The following ICA1 variants were observed in gnomAD, a reference collection of about 807,000 sequenced individuals.
ICA1 encodes 69 kDa islet cell autoantigen.
A neutral mutation model predicts 71.0 loss-of-function variants in ICA1; 40 were observed. That is an observed-to-expected ratio of 0.56 (90% confidence interval 0.44 to 0.73). The LOEUF (loss-of-function observed/expected upper bound fraction) is 0.73, where lower values mean the gene tolerates loss of function less well. Ranked by LOEUF, ICA1 falls within the 30% of genes least tolerant of loss-of-function variation. The pLI is 0.00. For missense variants in ICA1, 578 were observed against 576.5 expected, an observed-to-expected ratio of 1.00 and a Z score of -0.03; for synonymous variants, 207 against 209.5, an observed-to-expected ratio of 0.99 and a Z score of 0.10.
chr7:8,162,689 T>C (rs1173306767), intron 6 of ICA1, among the ~76,000 whole-genome samples: 1 of 152,226 alleles, frequency 6.6e-6, no homozygotes, highest in East Asian at 1.9e-4. Context: ...TTCACTCAAA[T>C]AAATGTACCC....
At chr7:8,176,612 C>T (rs968249141) in intron 6 of ICA1, among the ~76,000 whole-genome samples, 4 of 152,174 alleles carry the variant, frequency 2.6e-5, no homozygotes, top group African/African-American at 7.2e-5. Context: ...AATGAAGAGA[C>T]GATAGCAGAA....
chr7:8,243,797 T>C (rs2128496426), intron 1 of ICA1, among the ~76,000 whole-genome samples: 1 of 152,256 alleles, frequency 6.6e-6, no homozygotes, highest in Non-Finnish European at 1.5e-5. Context: ...AGCCAAATCA[T>C]GAGTGAACTC....
At position 8,141,829 on chromosome 7, in the gene ICA1, A is replaced by G; in HGVS notation, c.903-12T>C. 1 of 1,546,248 alleles carries G rather than the reference A, an allele frequency of 6.5e-7. No homozygotes were observed. Among genetic ancestry groups the G allele is most frequent in the Admixed American group, 1.8e-5 (1 of 57,090 alleles). ...CTAATGAAATTAATCTTAAAATAAA[A>G]AAGAGGTTTAGTCATCAACTTCTAC... On this transcript the variant is annotated splice_polypyrimidine_tract_variant and intron_variant, in intron 9 of 13. Transcript: ENST00000402384.
chr7:8,221,284 G>C lies in ICA1; in HGVS notation c.371C>G (p.Ser124Cys), dbSNP rs1323406542. 1 of 1,613,512 alleles carries C rather than the reference G, an allele frequency of 6.2e-7. No homozygotes were observed. Among genetic ancestry groups the C allele is most frequent in the Non-Finnish European group, 8.5e-7 (1 of 1,179,600 alleles). The part of the protein sequence containing the change: ...QATGKALCFS[S>C]QQRLALRNPL... ...ACTAAAGGCCACACACCTTTGCTGG[G>C]AAGAAAAGCAGAGGGCCTTTCCTGT... Residue 124 changes from serine to cysteine, a missense_variant, in exon 5 of 14, where the codon TCC becomes TGC. Ser to Cys is a moderately radical substitution (Grantham distance 112, BLOSUM62 -1). Coordinates refer to ENST00000402384, the MANE Select transcript of ICA1 (RefSeq NM_001136020.3).
rs145746144 is a variant in ICA1, at chr7:8,260,747, T to C, written c.-80+1347A>G. Among the ~76,000 whole-genome samples, 18 of 152,352 alleles carry C rather than the reference T, an allele frequency of 1.2e-4. No homozygotes were observed. The East Asian group carries it at 3.3e-3, about 28-fold the overall frequency. ...AAAAATAAAGACTGAAATCTAAAAA[T>C]ATATCTTTGGTTTGAAAACTTACTT... On this transcript the variant is annotated intron_variant, in intron 1 of 13. Transcript: ENST00000402384.
rs368298881 is a variant in ICA1, at chr7:8,118,913, A to G, written c.1331-4869T>C. On this transcript the variant is annotated intron_variant, in intron 13 of 13. Transcript: ENST00000402384. ...GTTAGAAATTCAAGCTCACGAGCCAATGCTGACCTACTGAATCAGAATCCC... is the reference window on the plus strand; with the variant it reads ...GTTAGAAATTCAAGCTCACGAGCCAGTGCTGACCTACTGAATCAGAATCCC... Among the ~76,000 whole-genome samples the G allele has an allele frequency of 4.6e-5, 7 of 152,228 alleles. No individual in the cohort carries two copies. The South Asian group carries it at 6.2e-4, about 14-fold the overall frequency.
intron 1 of ICA1, 75 bp downstream of exon 1, chr7:8,262,019 C>G (rs1026229642): frequency 1.3e-5 from 2 of 152,220 alleles, no homozygotes; most frequent in African/African-American, 4.8e-5. Context: ...CCGACCGTCC[C>G]GGCTGCCGGG....
chr7:8,159,112 C>A (rs1802756601), intron 6 of ICA1, among the ~76,000 whole-genome samples: 1 of 152,178 alleles, frequency 6.6e-6, no homozygotes. Context: ...GTGATACAAT[C>A]CTATTTACTA....
At chr7:8,137,911 T>A (rs1793963145) in intron 12 of ICA1, among the ~76,000 whole-genome samples, 1 of 152,186 alleles carries the variant, frequency 6.6e-6, no homozygotes, top group South Asian at 2.1e-4. Flanking sequence ...CTGAACTGAG[T>A]TGTCTGCCCT....
rs571306716 is a variant in ICA1, at chr7:8,243,211, A to T, written c.-79-7206T>A. On this transcript the variant is annotated intron_variant, in intron 1 of 13. Transcript: ENST00000402384. The stretch of plus-strand genomic sequence containing the variant: ...AATCCAGCAGCACATCAAAAAGCTT[A>T]TCCACCACAATCAAGTCGGCTTCAT... Among the ~76,000 whole-genome samples, 339 of 152,358 alleles carry T rather than the reference A, an allele frequency of 2.2e-3. 2 individuals carry two copies. Among genetic ancestry groups the T allele is most frequent in the Non-Finnish European group, 3.9e-3 (267 of 68,028 alleles).
At chr7:8,143,046 A>T (rs1795751190) in intron 9 of ICA1, among the ~76,000 whole-genome samples, 1 of 152,210 alleles carries the variant, frequency 6.6e-6, no homozygotes, top group Admixed American at 6.5e-5. Flanking sequence ...TTACGATAAG[A>T]CTGTCATCTA....
At chr7:8,175,934 C>T (rs1319674167) in intron 6 of ICA1, among the ~76,000 whole-genome samples, 1 of 152,160 alleles carries the variant, frequency 6.6e-6, no homozygotes, top group East Asian at 1.9e-4. Flanking sequence ...CCCGCTCCTG[C>T]CTCGTCAGTC....
At chr7:8,245,500 T>C (rs1014831828) in intron 1 of ICA1, among the ~76,000 whole-genome samples, 1 of 152,130 alleles carries the variant, frequency 6.6e-6, no homozygotes, top group African/African-American at 2.4e-5. Context: ...ATGGCACATG[T>C]ATACTTATGT....
chr7:8,116,762 T>C lies in ICA1; in HGVS notation c.1331-2718A>G, dbSNP rs1784926880. Reference sequence around the variant, plus strand: ...AACTGCACATCTTCTCGACTTCCAATATGATCCAGTCCTTTTATTTTCTAC... The same window carrying C: ...AACTGCACATCTTCTCGACTTCCAACATGATCCAGTCCTTTTATTTTCTAC... On this transcript the variant is annotated intron_variant, in intron 13 of 13. Coordinates refer to ENST00000402384, the MANE Select transcript of ICA1 (RefSeq NM_001136020.3). 2.0e-5 allele frequency among the ~76,000 whole-genome samples: 3 copies of C among 152,238 alleles called. No homozygotes were observed. In the South Asian group the frequency reaches 6.2e-4, roughly 32 times the overall value.
chr7:8,241,004 C>A (rs1159188787), intron 1 of ICA1, among the ~76,000 whole-genome samples: 1 of 152,054 alleles, frequency 6.6e-6, no homozygotes, highest in African/African-American at 2.4e-5. Flanking sequence ...GGATATTATC[C>A]AGGAGAATTT....
At chr7:8,121,623 G>A (rs75734632) in intron 13 of ICA1, among the ~76,000 whole-genome samples, 16,313 of 152,232 alleles carry the variant, frequency 0.11, 969 homozygotes, top group East Asian at 0.17. Context: ...AGGGGATGGG[G>A]GTAGAAGGGA....
chr7:8,255,766 C>G (rs1018567351), intron 1 of ICA1, among the ~76,000 whole-genome samples: 2 of 145,862 alleles, frequency 1.4e-5, no homozygotes, highest in Non-Finnish European at 3.0e-5. Context: ...AGTTGAAAAC[C>G]TCACTTCTTT....
At chr7:8,228,931 C>G (rs1799448341) in intron 3 of ICA1, among the ~76,000 whole-genome samples, 1 of 152,116 alleles carries the variant, frequency 6.6e-6, no homozygotes, top group Non-Finnish European at 1.5e-5. Context: ...TCCCAGTCTA[C>G]TGAAATAATA....
chr7:8,151,121 T>C (rs1019071653), intron 8 of ICA1, among the ~76,000 whole-genome samples: 2 of 152,236 alleles, frequency 1.3e-5, no homozygotes, highest in African/African-American at 4.8e-5. Flanking sequence ...CTTGGCACAC[T>C]GTGTGACAAA....
Sources: allele counts gnomAD v4.1 joint callset (sites outside exome capture counted in the v4.1 genomes callset), GRCh38; gene constraint gnomAD v4.1.1; transcripts MANE v1.5; gene names NCBI Gene and HGNC (gene_info 2026-07-23, HGNC 2026-07-21).